The following STK36 variants were observed in gnomAD, a reference collection of about 807,000 sequenced individuals.
STK36 encodes serine/threonine kinase 36, also known as serine/threonine-protein kinase 36.
Under a neutral mutation model 142.2 loss-of-function variants are expected in STK36, and 116 were observed. The ratio of observed to expected loss-of-function variants is 0.82; its 90% CI spans 0.70 to 0.95. The LOEUF is 0.95. STK36 is among the 40% of genes least tolerant of loss of function. The probability of loss-of-function intolerance (pLI) is 0.00; values close to 1 mark genes in which losing one functional copy is unlikely to be tolerated. For synonymous variants in STK36, 619 were observed against 641.7 expected (o/e 0.96, Z 0.53); for missense variants, 1,422 against 1,617.2 (o/e 0.88, Z 2.07).
chr2:218,679,635 A>T lies in STK36; in HGVS notation c.854A>T (p.Lys285Met), dbSNP rs1283754298. The change falls in exon 8 of 27, where the codon AAG (lysine) becomes ATG (methionine). Residue 285 changes from lysine to methionine, a missense_variant. This residue lies in a region of STK36 where 460 missense variants were observed against 449.6 expected (regional missense o/e 1.02). Transcript: ENST00000295709. ...SRLPPELQVL[K>M]DEQAHRLAPK... ...CTACCCCCAGAACTTCAGGTCCTAA[A>T]GGACGAACAGGCCCATCGGTTGGCC... is the stretch of plus-strand genomic sequence containing the variant. 2 of 1,614,050 alleles carry T rather than the reference A, an allele frequency of 1.2e-6. No homozygotes were observed. The highest frequency in any genetic ancestry group is 1.7e-6 in the Non-Finnish European group (2 of 1,180,040).
intron 2 of STK36, chr2:218,673,366 G>A (rs763830440): frequency 2.1e-5 from 10 of 470,442 alleles, no homozygotes; most frequent in Non-Finnish European, 3.3e-5. Flanking sequence ...ATCTCATCTT[G>A]AGTGCTGGTC....
chr2:218,681,856 T>C (rs1940535605), intron 10 of STK36, among the ~76,000 whole-genome samples: 2 of 152,258 alleles, frequency 1.3e-5, no homozygotes, highest in Admixed American at 6.5e-5. Context: ...ACTGGTGCAA[T>C]GGGGATTAAG....
At chr2:218,682,126 C>T (rs1940549488) in intron 10 of STK36, among the ~76,000 whole-genome samples, 1 of 152,108 alleles carries the variant, frequency 6.6e-6, no homozygotes, top group Admixed American at 6.6e-5. Flanking sequence ...GGGGTTTCAC[C>T]ATGTTGGCTA....
chr2:218,673,902 T>C lies in STK36; in HGVS notation c.249T>C (p.Ala83=). The C allele has an allele frequency of 6.2e-7, 1 of 1,614,172 alleles. No individual in the cohort carries two copies. Among genetic ancestry groups the C allele is most frequent in the Non-Finnish European group, 8.5e-7 (1 of 1,180,042 alleles). The part of the protein sequence containing the change: ...DKEVVVVTDY[A]EGELFQILED... Reference sequence around the variant, plus strand: ...AGGTGGTGGTGGTGACAGACTATGCTGAGGGAGAGCTCTTTCAGATCCTAG... The same window carrying C: ...AGGTGGTGGTGGTGACAGACTATGCCGAGGGAGAGCTCTTTCAGATCCTAG... Residue 83 remains alanine (A), a synonymous_variant, in exon 4 of 27, where the codon GCT becomes GCC. Coordinates refer to ENST00000295709, the MANE Select transcript of STK36 (RefSeq NM_015690.5).
In STK36 at chr2:218,690,286, A is replaced by G. The variant is rs549829893; in HGVS notation, c.1659-164A>G. The stretch of plus-strand genomic sequence containing the variant: ...AATAACCTAGAGAAAATGGCAAAGA[A>G]GGGGCTTGGAGGGTGTATGTGTGTG... On this transcript the variant is annotated intron_variant, in intron 13 of 26. Coordinates refer to ENST00000295709, the MANE Select transcript of STK36 (RefSeq NM_015690.5). Among the ~76,000 whole-genome samples, 3 of 152,292 alleles carry G rather than the reference A, an allele frequency of 2.0e-5. No homozygotes were observed. The East Asian group carries it at 5.8e-4, about 29-fold the overall frequency.
At chr2:218,690,318 A>G in intron 13 of STK36, 132 bp from the exon 14 acceptor site, 1 of 752,420 alleles carries the variant, frequency 1.3e-6, no homozygotes, top group Non-Finnish European at 2.4e-6. Context: ...TGTGTGTGGC[A>G]AGGGAGAAGG....
At chr2:218,693,069 T>C (rs546280006) in intron 16 of STK36, among the ~76,000 whole-genome samples, 171 bp from the exon 17 acceptor site, 1 of 152,324 alleles carries the variant, frequency 6.6e-6, no homozygotes, top group East Asian at 1.9e-4. Flanking sequence ...GCCATGACTT[T>C]TGGTTCTCTA....
At chr2:218,674,958 A>G (rs1940167714) in intron 4 of STK36, among the ~76,000 whole-genome samples, 1 of 152,110 alleles carries the variant, frequency 6.6e-6, no homozygotes, top group African/African-American at 2.4e-5. Flanking sequence ...GAAAAAAGGC[A>G]TTTTGTCTTA....
Position 218,689,922 on chromosome 2 carries a change from A to G in STK36, c.1624A>G (p.Thr542Ala), listed in dbSNP as rs763457446. ...TGTGATTCAGGCCTACTTTGCCTGT[A>G]CCTTCAATCTGGAGAGGAGCCAGAC... ...MAVIQAYFAC[T>A]FNLERSQTSD... The change falls in exon 13 of 27, where the codon ACC becomes GCC. Residue 542 changes from threonine to alanine, a missense_variant. Thr to Ala is a moderately conservative substitution (Grantham distance 58). This residue lies in a region of STK36 where 962 missense variants were observed against 1,167.5 expected (regional missense o/e 0.82). Coordinates refer to ENST00000295709, the MANE Select transcript of STK36 (RefSeq NM_015690.5). 3 of 1,602,948 alleles carry G rather than the reference A, an allele frequency of 1.9e-6. No individual in the cohort carries two copies. The highest frequency in any genetic ancestry group is 1.3e-5 in the African/African-American group (1 of 74,840).
Position 218,692,221 on chromosome 2 carries a change from A to G in STK36, c.1843A>G (p.Thr615Ala). 2 of 1,614,190 alleles carry G rather than the reference A, an allele frequency of 1.2e-6. No individual in the cohort carries two copies. Among genetic ancestry groups the G allele is most frequent in the Non-Finnish European group, 1.7e-6 (2 of 1,180,040 alleles). ...AGCCTTTTACTCCAGCTTGCTGACG[A>G]CACAGCAGGTTGTCTTGGATGGGCT... is the stretch of plus-strand genomic sequence containing the variant. ...SKAFYSSLLT[T>A]QQVVLDGLLH... The change falls in exon 15 of 27, where the codon ACA becomes GCA. Residue 615 changes from threonine to alanine, a missense_variant. Physicochemically the swap from Thr to Ala is moderately conservative, Grantham distance 58. This residue lies in a region of STK36 where 962 missense variants were observed against 1,167.5 expected (regional missense o/e 0.82). Transcript: ENST00000295709.
Position 218,702,538 on chromosome 2 carries a change from GGTGTGTGTGTATATGTGTGTGTGTAT to G in STK36, c.*540_*565del, listed in dbSNP as rs1941478436. ...GCGTGGAGAGTGTATCTTTTTTTGG[GGTGTGTGTGTATATGTGTGTGTGTAT>G]GTGTGTGTGTGTTTAATAGTTCTGT... is the stretch of plus-strand genomic sequence containing the variant. On this transcript the variant is annotated 3_prime_UTR_variant, in exon 27 of 27. Transcript: ENST00000295709. The G allele has an allele frequency of 6.6e-6, 1 of 152,668 alleles. No individual in the cohort carries two copies. 9.5% of individuals were successfully genotyped at this position (152,668 alleles called of 1,614,324 possible). A position where few individuals can be genotyped will look rare whatever the true frequency, so the allele number is the denominator to read the frequency against.
At position 218,694,370 on chromosome 2, in the gene STK36, A is replaced by G; in HGVS notation, c.2400+43A>G. ...ACCCTCCTCCCCTTTTCACCCTAGCATCTACCCCTTGTGGAAGTGGGGGAG... is the reference window on the plus strand; with the variant it reads ...ACCCTCCTCCCCTTTTCACCCTAGCGTCTACCCCTTGTGGAAGTGGGGGAG... On this transcript the variant is annotated intron_variant, in intron 20 of 26. Coordinates refer to ENST00000295709, the MANE Select transcript of STK36 (RefSeq NM_015690.5). This position sits in a 1 kb window ranked among gnomAD's most constrained non-coding sequence, Gnocchi z 4.4. 6.3e-7 allele frequency: 1 copy of G among 1,581,836 alleles called. No individual in the cohort carries two copies. The highest frequency in any genetic ancestry group is 1.1e-5 in the South Asian group (1 of 90,432).
In STK36 at chr2:218,679,679, C is replaced by T. The variant is rs138126812; in HGVS notation, c.898C>T (p.Arg300Cys). Residue 300 changes from arginine (R) to cysteine (C), a missense_variant, in exon 8 of 27, where the codon CGC becomes TGC. Arg to Cys is a radical substitution (Grantham distance 180). Transcript: ENST00000295709. ...HRLAPKGNQSRILTQAYKRMA... is the reference protein window; with the variant it reads ...HRLAPKGNQSCILTQAYKRMA... The stretch of plus-strand genomic sequence containing the variant: ...GTTGGCCCCCAAGGGTAATCAGTCT[C>T]GCATCTTGACTCAGGCCTATAAACG... 45 of 1,614,026 alleles carry T rather than the reference C, an allele frequency of 2.8e-5. No homozygotes were observed. Among genetic ancestry groups the T allele is most frequent in the South Asian group, 8.8e-5 (8 of 91,088 alleles).
intron 11 of STK36, chr2:218,688,489 G>A: frequency 1.6e-6 from 1 of 622,550 alleles, no homozygotes; most frequent in Non-Finnish European, 2.8e-6. Flanking sequence ...GGTGTTCTGT[G>A]TTAGGTAACC....
intron 6 of STK36, among the ~76,000 whole-genome samples, chr2:218,678,950 C>G (rs1450464468): frequency 6.6e-6 from 1 of 152,118 alleles, no homozygotes; most frequent in African/African-American, 2.4e-5. Context: ...TGTCTGTGAA[C>G]AGGATTTGGG....
At chr2:218,699,440 G>C in intron 26 of STK36, 92 bp downstream of exon 26, 1 of 1,512,486 alleles carries the variant, frequency 6.6e-7, no homozygotes, top group Admixed American at 2.1e-5. Context: ...TTGGAATCGG[G>C]ACATGGAGAA....
chr2:218,696,860 C>A (rs756137867), intron 22 of STK36, 179 bp from the exon 23 acceptor site: 10 of 1,010,766 alleles, frequency 9.9e-6, no homozygotes, highest in Non-Finnish European at 1.6e-5. Flanking sequence ...GTTGTGAGGT[C>A]AGAGGGTTAA....
intron 11 of STK36, among the ~76,000 whole-genome samples, chr2:218,686,680 G>T (rs939372209): frequency 1.3e-5 from 2 of 152,116 alleles, no homozygotes; most frequent in Admixed American, 1.3e-4. Context: ...TTGATGTATT[G>T]GGTTGTTTCC....
chr2:218,698,713 G>T lies in STK36; in HGVS notation c.3169G>T (p.Ala1057Ser). 6.2e-7 allele frequency: 1 copy of T among 1,614,170 alleles called. No individual in the cohort carries two copies. The highest frequency in any genetic ancestry group is 2.2e-5 in the East Asian group (1 of 44,886). The change falls in exon 26 of 27, where the codon GCC becomes TCC. Residue 1057 changes from alanine to serine, a missense_variant. Physicochemically the swap from Ala to Ser is moderately conservative, Grantham distance 99. Around this residue, in one of 2 missense-constraint regions of STK36, gnomAD observed 962 missense variants for 1,167.5 expected, o/e 0.82. Transcript: ENST00000295709. ...SLNQFVNTVS[A>S]SPRTIVSFLS... is the part of the protein sequence containing the mutation. ...CAACCAGTTTGTGAACACAGTGTCT[G>T]CCTCCCCTAGAACCATCGTCTCGTT...
Sources: gnomAD v4.1 joint callset for allele counts (sites outside exome capture counted in the v4.1 genomes callset) on GRCh38, gnomAD v4.1.1 for gene constraint, gnomAD v4.1.1 regional missense constraint, Gnocchi (gnomAD v3.1) non-coding constraint, MANE v1.5 for transcripts, NCBI Gene and HGNC (gene_info 2026-07-23, HGNC 2026-07-21) for gene names.